The following FKBP8 variants were observed in gnomAD, a reference collection of about 807,000 sequenced individuals.
FKBP8 encodes peptidyl-prolyl cis-trans isomerase FKBP8.
FKBP8 carries 5 observed loss-of-function variants against 41.7 expected under a neutral mutation model. That is an observed-to-expected ratio of 0.12 (90% confidence interval 0.06 to 0.25). The LOEUF is 0.25. Among genes scored for constraint, FKBP8 ranks in the 10% least tolerant of loss-of-function variants. The probability of loss-of-function intolerance (pLI) is 1.00; values close to 1 mark genes in which losing one functional copy is unlikely to be tolerated. For synonymous variants in FKBP8, 279 were observed against 254.5 expected (o/e 1.10, Z -0.92); for missense variants, 397 against 563.0 (o/e 0.71, Z 2.98).
chr19:18,535,388 T>G (rs558886562), intron 6 of FKBP8, among the ~76,000 whole-genome samples: 2 of 152,180 alleles, frequency 1.3e-5, no homozygotes, highest in African/African-American at 4.8e-5. Flanking sequence ...TTGGCCATAG[T>G]GAATGATTCA....
At chr19:18,540,871 C>CAA (rs397859115) in intron 2 of FKBP8, among the ~76,000 whole-genome samples, 3 of 71,486 alleles carry the variant, frequency 4.2e-5, no homozygotes, top group African/African-American at 5.5e-5. Flanking sequence ...GACTCTGTCT[C>CAA]AAAAAAAAAA....
At chr19:18,541,152 C>T (rs1195345638) in intron 2 of FKBP8, among the ~76,000 whole-genome samples, 2 of 151,836 alleles carry the variant, frequency 1.3e-5, no homozygotes, top group African/African-American at 4.8e-5. Context: ...CATGTGGGGG[C>T]TCATGTAGTT....
rs780507228 is a variant in FKBP8 at position 18,538,597 on chromosome 19, G to A, written c.552-161C>T. On this transcript the variant is annotated intron_variant, in intron 4 of 8. Coordinates refer to ENST00000608443, the MANE Select transcript of FKBP8 (RefSeq NM_012181.5). This position sits in a 1 kb window ranked among gnomAD's most constrained non-coding sequence, Gnocchi z 4.0. ...TAAAGTGCAGGGGAAGTGACTTGCC[G>A]CCTTGGAGCTGCGGGACTTGACGAA... Among the ~76,000 whole-genome samples, 4 of 152,072 alleles carry A rather than the reference G, an allele frequency of 2.6e-5. No homozygotes were observed. The highest frequency in any genetic ancestry group is 6.6e-5 in the Admixed American group (1 of 15,242).
chr19:18,537,585 C>A lies in FKBP8; in HGVS notation c.945+16G>T, dbSNP rs774624198. 5.1e-6 allele frequency: 8 copies of A among 1,570,650 alleles called. No homozygotes were observed. The highest frequency in any genetic ancestry group is 6.9e-6 in the Non-Finnish European group (8 of 1,155,632). On this transcript the variant is annotated intron_variant, in intron 6 of 8. Transcript: ENST00000608443. This position sits in a 1 kb window ranked among gnomAD's most constrained non-coding sequence, Gnocchi z 4.4. Reference sequence around the variant, plus strand: ...CCAGGCTGAGTGACCCGGCCTGGCACCCCGGTGTGGCCTACCTTGCCCTTG... The same window carrying A: ...CCAGGCTGAGTGACCCGGCCTGGCAACCCGGTGTGGCCTACCTTGCCCTTG...
rs1362204126 is a variant in FKBP8 at position 18,541,701 on chromosome 19, T to C, written c.270A>G (p.Pro90=). The C allele has an allele frequency of 6.2e-7, 1 of 1,610,916 alleles. No homozygotes were observed. The change falls in exon 2 of 9, where the codon CCA becomes CCG. Residue 90 remains proline, a synonymous_variant. Transcript: ENST00000608443. ...MEPEPAPAPA[P]EEWLDILGNG... ...TACCCAGAATGTCCAGCCACTCTTCTGGGGCCGGGGCTGGGGCGGGCTCGG... is the reference window on the plus strand; with the variant it reads ...TACCCAGAATGTCCAGCCACTCTTCCGGGGCCGGGGCTGGGGCGGGCTCGG...
chr19:18,533,433 C>CAAGATGGTG lies in FKBP8; in HGVS notation c.946-95_946-87dup, dbSNP rs2145183596. ...TCCAGCCCAGGAGGTTGCAGTGAGC[C>CAAGATGGTG]AAGATGGTGTCACTGCACTCCAGCT... On this transcript the variant is annotated intron_variant, in intron 6 of 8. Transcript: ENST00000608443. The CAAGATGGTG allele has an allele frequency of 4.0e-6, 4 of 996,254 alleles. No individual in the cohort carries two copies. In the South Asian group the frequency reaches 7.3e-5, roughly 18 times the overall value. The allele number at this position is 996,254 out of a possible 1,614,324, so 61.7% of individuals were successfully genotyped here. A position where few individuals can be genotyped will look rare whatever the true frequency, so the allele number is the denominator to read the frequency against.
intron 6 of FKBP8, chr19:18,535,883 C>A (rs1976563404): frequency 6.6e-6 from 1 of 152,044 alleles, no homozygotes; most frequent in Non-Finnish European, 1.5e-5. Flanking sequence ...CTGGATCCAG[C>A]TATGCCTGAA....
intron 6 of FKBP8, among the ~76,000 whole-genome samples, chr19:18,535,195 T>C (rs192591256): frequency 3.9e-5 from 6 of 152,206 alleles, no homozygotes; most frequent in South Asian, 2.1e-4. Context: ...GCTGGGATTA[T>C]AGGCGTGAGC....
rs1976611606 is a variant in FKBP8, at chr19:18,537,764, G to A, written c.782C>T (p.Thr261Met). Residue 261 changes from threonine to methionine, a missense_variant, in exon 6 of 9, where the codon ACG becomes ATG. Coordinates refer to ENST00000608443, the MANE Select transcript of FKBP8 (RefSeq NM_012181.5). This position sits in a 1 kb window ranked among gnomAD's most constrained non-coding sequence, Gnocchi z 4.4. ...AITSSAKVDM[T>M]FEEEAQLLQL... is the part of the protein sequence containing the mutation. ...CAGGAGCTGTGCCTCCTCCTCGAAC[G>A]TCATGTCCACTATTGGGAGACAGTG... The A allele has an allele frequency of 1.2e-6, 2 of 1,610,888 alleles. No individual in the cohort carries two copies. The highest frequency in any genetic ancestry group is 1.7e-6 in the Non-Finnish European group (2 of 1,178,244).
intron 6 of FKBP8, among the ~76,000 whole-genome samples, chr19:18,534,180 G>A (rs1367814106): frequency 3.3e-5 from 5 of 149,542 alleles, no homozygotes; most frequent in African/African-American, 7.4e-5. Context: ...GGTGGCGGGC[G>A]CCTGTAGTCC....
At position 18,537,684 on chromosome 19, in the gene FKBP8, G is replaced by T; in HGVS notation, c.862C>A (p.His288Asn). The T allele has an allele frequency of 6.2e-7, 1 of 1,613,952 alleles. No individual in the cohort carries two copies. The highest frequency in any genetic ancestry group is 8.5e-7 in the Non-Finnish European group (1 of 1,179,980). Residue 288 changes from histidine to asparagine, a missense_variant, in exon 6 of 9, where the codon CAC (histidine) becomes AAC (asparagine). His to Asn is a moderately conservative substitution (Grantham distance 68). This residue lies in a region of FKBP8 where 225 missense variants were observed against 366.8 expected (regional missense o/e 0.61). Transcript: ENST00000608443. The surrounding 1 kb of genome is among the most constrained non-coding windows in gnomAD (Gnocchi z 4.4). ...CAGGAGCGCAGGGCTGCGCGGTAGT[G>T]GTCGAGCTTCAGCTGCGAGGCCGCC... ...NLAASQLKLD[H>N]YRAALRSCSL...
Position 18,538,512 on chromosome 19 carries a change from G to A in FKBP8, c.552-76C>T. Reference sequence around the variant, plus strand: ...AACCCGCTGGGCTGGCTAGGAAGGAGTGAGCTTGGCTCAAGCCCCCGATCT... The same window carrying A: ...AACCCGCTGGGCTGGCTAGGAAGGAATGAGCTTGGCTCAAGCCCCCGATCT... On this transcript the variant is annotated intron_variant, in intron 4 of 8. Coordinates refer to ENST00000608443, the MANE Select transcript of FKBP8 (RefSeq NM_012181.5). The surrounding 1 kb of genome is among the most constrained non-coding windows in gnomAD (Gnocchi z 4.0). The A allele has an allele frequency of 6.9e-6, 9 of 1,297,166 alleles. No individual in the cohort carries two copies. The highest frequency in any genetic ancestry group is 8.5e-6 in the Non-Finnish European group (8 of 942,014). 80.4% of individuals were successfully genotyped at this position (1,297,166 alleles called of 1,614,324 possible).
chr19:18,542,838 T>C (rs1600541720), intron 1 of FKBP8: 2 of 1,149,772 alleles, frequency 1.7e-6, no homozygotes, highest in East Asian at 6.4e-5. Flanking sequence ...CTCAGAAGAG[T>C]GTGGCACAGC....
At position 18,538,492 on chromosome 19, in the gene FKBP8, G is replaced by A. The variant is rs1036535452; in HGVS notation, c.552-56C>T. On this transcript the variant is annotated intron_variant, in intron 4 of 8. Transcript: ENST00000608443. The surrounding 1 kb of genome is among the most constrained non-coding windows in gnomAD (Gnocchi z 4.0). The stretch of plus-strand genomic sequence containing the variant: ...CTCAGACCTGGTGACCCCTAAACCC[G>A]CTGGGCTGGCTAGGAAGGAGTGAGC... 1.3e-5 allele frequency: 19 copies of A among 1,455,806 alleles called. No individual in the cohort carries two copies. Among genetic ancestry groups the A allele is most frequent in the Middle Eastern group, 2.4e-4 (1 of 4,114 alleles). The allele number at this position is 1,455,806 out of a possible 1,614,324, so 90.2% of individuals were successfully genotyped here.
At chr19:18,542,609 C>T (rs1976730767) in intron 1 of FKBP8, 1 of 209,992 alleles carries the variant, frequency 4.8e-6, no homozygotes. Context: ...TTTCCTTCCA[C>T]ACTCTGAATC....
At chr19:18,535,565 A>G (rs1474881239) in intron 6 of FKBP8, among the ~76,000 whole-genome samples, 3 of 151,866 alleles carry the variant, frequency 2.0e-5, no homozygotes, top group Admixed American at 2.0e-4. Flanking sequence ...TGAGGTCAGG[A>G]GTTCAAGACC....
intron 2 of FKBP8, among the ~76,000 whole-genome samples, chr19:18,541,154 C>A (rs1976690759): frequency 6.6e-6 from 1 of 152,044 alleles, no homozygotes; most frequent in Non-Finnish European, 1.5e-5. Flanking sequence ...TGTGGGGGCT[C>A]ATGTAGTTTT....
At chr19:18,535,591 G>A (rs1410419004) in intron 6 of FKBP8, among the ~76,000 whole-genome samples, 1 of 151,908 alleles carries the variant, frequency 6.6e-6, no homozygotes, top group Non-Finnish European at 1.5e-5. Context: ...GGCCAACATG[G>A]TGAAACCCCG....
At chr19:18,532,372 T>C in intron 8 of FKBP8, 117 bp from the exon 9 acceptor site, 1 of 1,098,028 alleles carries the variant, frequency 9.1e-7, no homozygotes, top group Non-Finnish European at 1.4e-6. Flanking sequence ...TGACTATGTA[T>C]TTCCCACTTC....
Sources: allele counts gnomAD v4.1 joint callset (sites outside exome capture counted in the v4.1 genomes callset), GRCh38; gene constraint gnomAD v4.1.1; regional missense constraint gnomAD v4.1.1; non-coding constraint Gnocchi (gnomAD v3.1); transcripts MANE v1.5; gene names NCBI Gene and HGNC (gene_info 2026-07-23, HGNC 2026-07-21).